Variants in CR1L observed in about 807,000 individuals in gnomAD.
CR1L encodes the protein complement C3b/C4b receptor 1 like.
A neutral mutation model predicts 62.3 loss-of-function variants in CR1L; 59 were observed. That is an observed-to-expected ratio of 0.95 (90% CI 0.77 to 1.18). CR1L has a LOEUF of 1.18. Ranked by LOEUF, CR1L falls within the 50% of genes most tolerant of loss-of-function variation. The pLI is 0.00. For synonymous variants in CR1L, 279 were observed against 248.7 expected, an observed-to-expected ratio of 1.12 and a Z score of -1.15; for missense variants, 700 against 702.8, an observed-to-expected ratio of 1.00 and a Z score of 0.04.
At chr1:207,706,013 GTATATATA>G (rs139294447) in intron 9 of CR1L, among the ~76,000 whole-genome samples, 7,619 of 133,510 alleles carry the variant, frequency 0.057, 687 homozygotes, top group African/African-American at 0.19. Context: ...GTGTGTGTAT[GTATATATA>G]TATATATATA....
At chr1:207,645,743 G>C (rs1375755229) in intron 1 of CR1L, among the ~76,000 whole-genome samples, 2 of 152,154 alleles carry the variant, frequency 1.3e-5, no homozygotes, top group Non-Finnish European at 2.9e-5. Context: ...GTGTTCCCTT[G>C]GTGCCTTGGT....
intron 1 of CR1L, among the ~76,000 whole-genome samples, chr1:207,676,400 C>T (rs772828738): frequency 7.2e-5 from 11 of 152,122 alleles, no homozygotes; most frequent in Non-Finnish European, 1.3e-4. Flanking sequence ...GCCTGAGCTC[C>T]ACCTCCTGTC....
intron 11 of CR1L, among the ~76,000 whole-genome samples, chr1:207,720,427 T>C (rs1221310584): frequency 6.6e-6 from 1 of 152,180 alleles, no homozygotes; most frequent in Admixed American, 6.5e-5. Context: ...GATGAGGAAC[T>C]AACCTGGGGC....
At chr1:207,705,633 G>C (rs1253935237) in intron 9 of CR1L, among the ~76,000 whole-genome samples, 4 of 152,202 alleles carry the variant, frequency 2.6e-5, no homozygotes, top group African/African-American at 9.7e-5. Flanking sequence ...TAAATCCAAA[G>C]TCCTCTTTTC....
At chr1:207,653,458 C>T (rs931166476) in intron 1 of CR1L, among the ~76,000 whole-genome samples, 1 of 152,216 alleles carries the variant, frequency 6.6e-6, no homozygotes, top group African/African-American at 2.4e-5. Context: ...ATTCATCCTT[C>T]ACAACTGAGT....
intron 7 of CR1L, 119 bp downstream of exon 7, chr1:207,697,992 A>T: frequency 6.8e-7 from 1 of 1,461,714 alleles, no homozygotes; most frequent in Non-Finnish European, 9.4e-7. Flanking sequence ...ACACACACAC[A>T]CACAATCAGA....
intron 1 of CR1L, among the ~76,000 whole-genome samples, chr1:207,649,406 G>A (rs369182269): frequency 7.2e-5 from 11 of 152,182 alleles, no homozygotes; most frequent in Admixed American, 5.9e-4. Context: ...AATCACCATC[G>A]TAAACTCAGA....
At chr1:207,660,943 A>T (rs1389950315) in intron 1 of CR1L, among the ~76,000 whole-genome samples, 3 of 152,184 alleles carry the variant, frequency 2.0e-5, no homozygotes, top group Non-Finnish European at 4.4e-5. Flanking sequence ...GTTTCCATGT[A>T]GTTGAGCTGT....
intron 9 of CR1L, 93 bp from the exon 10 acceptor site, chr1:207,708,085 A>G (rs919489439): frequency 7.6e-6 from 11 of 1,452,188 alleles, no homozygotes; most frequent in East Asian, 2.3e-5. Context: ...GACTTCTCCT[A>G]TATTGTAATC....
intron 1 of CR1L, among the ~76,000 whole-genome samples, chr1:207,676,809 C>T (rs1663698741): frequency 6.6e-6 from 1 of 152,080 alleles, no homozygotes; most frequent in Non-Finnish European, 1.5e-5. Flanking sequence ...CACATGCCAC[C>T]ATGCTCTGCT....
At chr1:207,717,188 A>C (rs1331748405) in intron 10 of CR1L, among the ~76,000 whole-genome samples, 5 of 152,202 alleles carry the variant, frequency 3.3e-5, no homozygotes, top group African/African-American at 7.2e-5. Flanking sequence ...TTGTAAAAAA[A>C]TTAAAAAAAA....
At chr1:207,684,854 C>T (rs1387963536) in intron 4 of CR1L, among the ~76,000 whole-genome samples, 19 of 152,134 alleles carry the variant, frequency 1.2e-4, no homozygotes, top group Admixed American at 1.1e-3. Flanking sequence ...TTACTCTTCT[C>T]TTTGGATAAC....
rs534720953 is a variant in CR1L at position 207,669,879 on chromosome 1, G to A, written c.98-7510G>A. Among the ~76,000 whole-genome samples, 12 of 151,346 alleles carry A rather than the reference G, an allele frequency of 7.9e-5. 2 individuals are homozygous for A. The highest frequency in any genetic ancestry group is 6.5e-4 in the Admixed American group (10 of 15,284). On this transcript the variant is annotated intron_variant, in intron 1 of 11. Coordinates refer to ENST00000508064, the MANE Select transcript of CR1L (RefSeq NM_175710.2). Reference sequence around the variant, plus strand: ...CTTGCCTTTGTGTATTCACAGCCTCGGCTGGCTATAGCCGAGCGTGGCGTC... The same window carrying A: ...CTTGCCTTTGTGTATTCACAGCCTCAGCTGGCTATAGCCGAGCGTGGCGTC...
At chr1:207,684,941 T>C (rs1389045132) in intron 4 of CR1L, among the ~76,000 whole-genome samples, 1 of 152,230 alleles carries the variant, frequency 6.6e-6, no homozygotes, top group African/African-American at 2.4e-5. Context: ...AGCTTCAGAA[T>C]CTAAATTTAC....
At chr1:207,717,713 T>C (rs1654037052) in intron 11 of CR1L, 22 bp downstream of exon 11, 1 of 1,612,602 alleles carries the variant, frequency 6.2e-7, no homozygotes, top group Admixed American at 1.7e-5. Context: ...CTTCCACATA[T>C]CCTAAATGGG....
At chr1:207,685,589 G>A (rs1663887609) in intron 4 of CR1L, among the ~76,000 whole-genome samples, 1 of 152,154 alleles carries the variant, frequency 6.6e-6, no homozygotes, top group Non-Finnish European at 1.5e-5. Flanking sequence ...TGGCAATTAA[G>A]TGCTGCCAAT....
At chr1:207,695,056 A>T (rs1664054943) in intron 5 of CR1L, among the ~76,000 whole-genome samples, 1 of 152,240 alleles carries the variant, frequency 6.6e-6, no homozygotes, top group African/African-American at 2.4e-5. Context: ...CAGGCACCAT[A>T]ATACAGGCTA....
rs536567478 is a variant in CR1L, at chr1:207,670,002, C to T, written c.98-7387C>T. 9.9e-5 allele frequency among the ~76,000 whole-genome samples: 15 copies of T among 151,202 alleles called. No homozygotes were observed. The East Asian group carries it at 2.7e-3, about 27-fold the overall frequency. ...GTTAGCACACCTAAGTCTGTTTGCTCTTCTGTAAAATGGGGACACTGGTAT... is the reference window on the plus strand; with the variant it reads ...GTTAGCACACCTAAGTCTGTTTGCTTTTCTGTAAAATGGGGACACTGGTAT... On this transcript the variant is annotated intron_variant, in intron 1 of 11. Transcript: ENST00000508064.
Position 207,708,276 on chromosome 1 carries a change from C to T in CR1L, c.1414+13C>T. ...CCAATTTGTCAACGTGAGTTGAAAT[C>T]TCTTTCCCCATTCACCCCACCATTT... On this transcript the variant is annotated intron_variant, in intron 10 of 11. Transcript: ENST00000508064. 1 of 1,610,562 alleles carries T rather than the reference C, an allele frequency of 6.2e-7. No individual in the cohort carries two copies. Among genetic ancestry groups the T allele is most frequent in the Non-Finnish European group, 8.5e-7 (1 of 1,178,666 alleles).
Sources: allele counts gnomAD v4.1 joint callset (sites outside exome capture counted in the v4.1 genomes callset), GRCh38; gene constraint gnomAD v4.1.1; transcripts MANE v1.5; gene names NCBI Gene and HGNC (gene_info 2026-07-23, HGNC 2026-07-21).